The following MRPS7 variants were observed in gnomAD, a reference collection of about 807,000 sequenced individuals.
The protein encoded by MRPS7 is mitochondrial ribosomal protein S7, also known as small ribosomal subunit protein uS7m.
Under a neutral mutation model 26.2 loss-of-function variants are expected in MRPS7, and 13 were observed. That is an observed-to-expected ratio of 0.50 (90% CI 0.32 to 0.79). The LOEUF (loss-of-function observed/expected upper bound fraction) is 0.79, where lower values mean the gene tolerates loss of function less well. MRPS7 is among the 30% of genes least tolerant of loss of function. The pLI is 0.03. For missense variants in MRPS7, 318 were observed against 312.2 expected, an observed-to-expected ratio of 1.02 and a Z score of -0.14; for synonymous variants, 129 against 113.3, an observed-to-expected ratio of 1.14 and a Z score of -0.88.
Position 75,265,819 on chromosome 17 carries a change from C to G in MRPS7, c.625C>G (p.Leu209Val). 6.2e-7 allele frequency: 1 copy of G among 1,614,178 alleles called. No homozygotes were observed. The highest frequency in any genetic ancestry group is 2.2e-5 in the East Asian group (1 of 44,890). The change falls in exon 5 of 5, where the codon CTG (leucine) becomes GTG (valine). Residue 209 changes from leucine to valine, a missense_variant. Leu to Val is a conservative substitution (Grantham distance 32, BLOSUM62 1). Transcript: ENST00000245539. Reference protein sequence around the residue: ...TLMPEKLSHKLLEAFHNQGPV... With the variant: ...TLMPEKLSHKVLEAFHNQGPV... The stretch of plus-strand genomic sequence containing the variant: ...GATGCCGGAGAAGCTGTCACACAAG[C>G]TGCTGGAGGCTTTCCATAACCAGGG...
Position 75,261,997 on chromosome 17 carries a change from G to A in MRPS7, c.83+14G>A, listed in dbSNP as rs1250233301. 5.4e-6 allele frequency: 8 copies of A among 1,495,216 alleles called. No homozygotes were observed. The highest frequency in any genetic ancestry group is 6.2e-6 in the Non-Finnish European group (7 of 1,134,916). The allele number at this position is 1,495,216 out of a possible 1,614,324, so 92.6% of individuals were successfully genotyped here. ...GCAGCTTCCAGGGTGAGAGGGTGGC[G>A]AGCAGCGGCGGGGGGGCGCTGCGAG... On this transcript the variant is annotated intron_variant, in intron 1 of 4. Coordinates refer to ENST00000245539, the MANE Select transcript of MRPS7 (RefSeq NM_015971.4).
At chr17:75,262,453 G>C in intron 1 of MRPS7, 44 bp from the exon 2 acceptor site, 1 of 1,598,870 alleles carries the variant, frequency 6.3e-7, no homozygotes, top group Non-Finnish European at 8.6e-7. Flanking sequence ...CTACTCGCTT[G>C]TGGAGTCAGC....
intron 4 of MRPS7, among the ~76,000 whole-genome samples, chr17:75,264,926 C>T (rs935039348): frequency 7.9e-5 from 12 of 151,822 alleles, no homozygotes; most frequent in Non-Finnish European, 1.6e-4. Flanking sequence ...TTTTAGGTAC[C>T]TATGGTCTGA....
intron 4 of MRPS7, among the ~76,000 whole-genome samples, chr17:75,265,196 GC>G (rs1381783572): frequency 9.7e-6 from 1 of 103,272 alleles, no homozygotes; most frequent in African/African-American, 3.4e-5. Context: ...CTGCCACCAC[GC>G]CCAGCTAATT....
rs567430523 is a variant in MRPS7, at chr17:75,265,695, C to A, written c.508-7C>A. The A allele has an allele frequency of 3.1e-6, 5 of 1,613,100 alleles. No homozygotes were observed. Among genetic ancestry groups the A allele is most frequent in the East Asian group, 2.2e-5 (1 of 44,878 alleles). ...GGACCAACTTGCCTATGTCCTGTCTCACCCAGGTCCCTGTACCCCTACCCG... is the reference window on the plus strand; with the variant it reads ...GGACCAACTTGCCTATGTCCTGTCTAACCCAGGTCCCTGTACCCCTACCCG... On this transcript the variant is annotated splice_polypyrimidine_tract_variant and splice_region_variant and intron_variant, in intron 4 of 4. Coordinates refer to ENST00000245539, the MANE Select transcript of MRPS7 (RefSeq NM_015971.4).
At chr17:75,262,768 C>G (rs899041926) in intron 2 of MRPS7, 36 bp from the exon 3 acceptor site, 1 of 1,613,666 alleles carries the variant, frequency 6.2e-7, no homozygotes, top group African/African-American at 1.3e-5. Flanking sequence ...GTGATACAGC[C>G]TTGGAGAGCT....
chr17:75,265,035 CTTCTTT>C (rs926598495), intron 4 of MRPS7, among the ~76,000 whole-genome samples: 4 of 151,722 alleles, frequency 2.6e-5, no homozygotes, highest in South Asian at 4.2e-4. Flanking sequence ...CAGTGCTTTT[CTTCTTT>C]TTCTTTTTCT....
chr17:75,266,263 AC>A lies in MRPS7; in HGVS notation c.*341del, dbSNP rs2077482232. On this transcript the variant is annotated 3_prime_UTR_variant, in exon 5 of 5. Coordinates refer to ENST00000245539, the MANE Select transcript of MRPS7 (RefSeq NM_015971.4). Reference sequence around the variant, plus strand: ...AGAAAAGATTTATTAGAAAATTCTCACGCTGAACTGGTGTAGCATGTGGTGC... The same window carrying A: ...AGAAAAGATTTATTAGAAAATTCTCAGCTGAACTGGTGTAGCATGTGGTGC... 2.6e-6 allele frequency: 1 copy of A among 382,360 alleles called. No homozygotes were observed. 23.7% of individuals were successfully genotyped at this position (382,360 alleles called of 1,614,324 possible).
Position 75,266,089 on chromosome 17 carries a change from G to C in MRPS7, c.*166G>C. On this transcript the variant is annotated 3_prime_UTR_variant, in exon 5 of 5. Coordinates refer to ENST00000245539, the MANE Select transcript of MRPS7 (RefSeq NM_015971.4). ...ACTATCCGTTAATCCTTCTTTCTTTGAGGCTGGAACTTGCTCTCTCTGCCC... is the reference window on the plus strand; with the variant it reads ...ACTATCCGTTAATCCTTCTTTCTTTCAGGCTGGAACTTGCTCTCTCTGCCC... The C allele has an allele frequency of 7.7e-6, 5 of 650,204 alleles. No individual in the cohort carries two copies. Among genetic ancestry groups the C allele is most frequent in the Non-Finnish European group, 1.3e-5 (5 of 380,694 alleles). The allele number at this position is 650,204 out of a possible 1,614,324, so 40.3% of individuals were successfully genotyped here.
Position 75,264,888 on chromosome 17 carries a change from C to T in MRPS7, c.508-814C>T, listed in dbSNP as rs142008361. On this transcript the variant is annotated intron_variant, in intron 4 of 4. Coordinates refer to ENST00000245539, the MANE Select transcript of MRPS7 (RefSeq NM_015971.4). ...TATTTTTAGTAGAGACAGGGTTTTG[C>T]TGTGTCTGAAGACTGAAGGGGTCTT... Among the ~76,000 whole-genome samples, 1,000 of 151,388 alleles carry T rather than the reference C, an allele frequency of 6.6e-3. 16 individuals carry two copies. Among genetic ancestry groups the T allele is most frequent in the African/African-American group, 0.023 (951 of 41,262 alleles).
Position 75,261,898 on chromosome 17 carries a change from A to G in MRPS7, c.-3A>G. 2.5e-6 allele frequency: 4 copies of G among 1,608,440 alleles called. No homozygotes were observed. The highest frequency in any genetic ancestry group is 3.4e-6 in the Non-Finnish European group (4 of 1,179,660). On this transcript the variant is annotated 5_prime_UTR_variant, in exon 1 of 5. Transcript: ENST00000245539. The stretch of plus-strand genomic sequence containing the variant: ...CCTTGTGGGGTCCTCGTGGCCAGCC[A>G]AGATGGCTGCCCCCGCAGTGAAGGT...
At chr17:75,263,546 C>G (rs373398547) in intron 4 of MRPS7, 39 bp downstream of exon 4, 4 of 1,611,188 alleles carry the variant, frequency 2.5e-6, no homozygotes, top group African/African-American at 1.3e-5. Flanking sequence ...GGGCCCTCCA[C>G]ATGTGAAACA....
intron 4 of MRPS7, chr17:75,263,715 CA>C (rs980396764): frequency 4.4e-5 from 26 of 592,510 alleles, no homozygotes; most frequent in East Asian, 6.2e-5. Context: ...CCCGTCTCTA[CA>C]AAAAAAACAA....
In MRPS7 at chr17:75,266,111, G is replaced by A. The variant is rs188663467; in HGVS notation, c.*188G>A. 3.9e-4 allele frequency: 236 copies of A among 611,264 alleles called. 1 individual carries two copies. The highest frequency in any genetic ancestry group is 2.3e-4 in the Admixed American group (8 of 34,084). The allele number at this position is 611,264 out of a possible 1,614,324, so 37.9% of individuals were successfully genotyped here. A position where few individuals can be genotyped will look rare whatever the true frequency, so the allele number is the denominator to read the frequency against. On this transcript the variant is annotated 3_prime_UTR_variant, in exon 5 of 5. Coordinates refer to ENST00000245539, the MANE Select transcript of MRPS7 (RefSeq NM_015971.4). ...TTTGAGGCTGGAACTTGCTCTCTCT[G>A]CCCCTATTTCCTTGTAAAGAGGGAG...
At chr17:75,265,183 C>T (rs956383473) in intron 4 of MRPS7, among the ~76,000 whole-genome samples, 7 of 146,752 alleles carry the variant, frequency 4.8e-5, no homozygotes, top group African/African-American at 1.8e-4. Flanking sequence ...GGATTACAGG[C>T]GCCTGCCACC....
At position 75,262,700 on chromosome 17, in the gene MRPS7, A is replaced by G; in HGVS notation, c.275+12A>G. On this transcript the variant is annotated intron_variant, in intron 2 of 4. Transcript: ENST00000245539. ...GACCCAGTCATCAGGTTAGATGGAA[A>G]CAAACACTTGTTACATGGACTGGGA... 1 of 1,614,118 alleles carries G rather than the reference A, an allele frequency of 6.2e-7. No homozygotes were observed. Among genetic ancestry groups the G allele is most frequent in the South Asian group, 1.1e-5 (1 of 91,092 alleles).
At chr17:75,263,999 AC>A (rs2077449122) in intron 4 of MRPS7, 1 of 151,116 alleles carries the variant, frequency 6.6e-6, no homozygotes, top group South Asian at 2.1e-4. Context: ...ACAAGGAGAA[AC>A]CCTGTTTCTA....
In MRPS7 at chr17:75,265,765, T is replaced by G. The variant is rs781666546; in HGVS notation, c.571T>G (p.Cys191Gly). 6.2e-7 allele frequency: 1 copy of G among 1,614,132 alleles called. No homozygotes were observed. The highest frequency in any genetic ancestry group is 1.1e-5 in the South Asian group (1 of 91,090). Residue 191 changes from cysteine (C) to glycine (G), a missense_variant, in exon 5 of 5, where the codon TGC becomes GGC. Transcript: ENST00000245539. ...FLAMKWMITE[C>G]RDKKHQRTLM... ...AGCCATGAAGTGGATGATCACTGAG[T>G]GCCGGGATAAAAAGCACCAGCGGAC...
At chr17:75,262,114 C>A (rs578044221) in intron 1 of MRPS7, 131 bp downstream of exon 1, 10 of 1,045,156 alleles carry the variant, frequency 9.6e-6, no homozygotes, top group South Asian at 1.5e-5. Context: ...TCTAAGTTAG[C>A]TGCGTGACCC....
Sources: gnomAD v4.1 joint callset for allele counts (sites outside exome capture counted in the v4.1 genomes callset) on GRCh38, gnomAD v4.1.1 for gene constraint, MANE v1.5 for transcripts, NCBI Gene and HGNC (gene_info 2026-07-23, HGNC 2026-07-21) for gene names.